Variants in GPC3 observed in about 807,000 individuals in gnomAD.
The protein encoded by GPC3 is glypican-3.
GPC3 carries 3 observed loss-of-function variants against 34.4 expected under a neutral mutation model. The observed-to-expected ratio is 0.09, with a 90% CI of 0.04 to 0.23. GPC3 has a LOEUF of 0.23. GPC3 is among the 10% of genes least tolerant of loss of function. GPC3 has a pLI of 1.00. For synonymous variants in GPC3, 177 were observed against 174.0 expected (o/e 1.02, Z -0.13); for missense variants, 351 against 445.6 (o/e 0.79, Z 1.91).
intron 3 of GPC3, among the ~76,000 whole-genome samples, chrX:133,743,855 G>A (rs1241534494): frequency 9.0e-6 from 1 of 111,459 alleles, no homozygotes; most frequent in South Asian, 3.8e-4. Flanking sequence ...CAGAAATAAC[G>A]CCACACATCT....
intron 6 of GPC3, among the ~76,000 whole-genome samples, chrX:133,637,524 C>T (rs1486406062): frequency 8.9e-6 from 1 of 112,044 alleles, no homozygotes; most frequent in Non-Finnish European, 1.9e-5. Context: ...AAATTAGACT[C>T]TTTTCCAGGA....
At chrX:133,978,749 C>T (rs2076526600) in intron 1 of GPC3, among the ~76,000 whole-genome samples, 2 of 111,880 alleles carry the variant, frequency 1.8e-5, no homozygotes, top group African/African-American at 6.5e-5. Context: ...ATATTGAGTA[C>T]CTATTATTTG....
intron 6 of GPC3, among the ~76,000 whole-genome samples, chrX:133,616,758 C>T (rs769525456): frequency 4.9e-5 from 5 of 102,505 alleles, no homozygotes; most frequent in East Asian, 6.1e-4. Context: ...AGTGCAGTGG[C>T]GCAATCTCGG....
intron 2 of GPC3, among the ~76,000 whole-genome samples, chrX:133,911,557 T>C (rs1277908668): frequency 8.9e-6 from 1 of 112,116 alleles, no homozygotes; most frequent in Non-Finnish European, 1.9e-5. Flanking sequence ...TCTGATTAAA[T>C]AGTAGTGTCA....
chrX:133,771,728 C>T (rs1006094981), intron 2 of GPC3, among the ~76,000 whole-genome samples: 14 of 112,106 alleles, frequency 1.2e-4, no homozygotes, highest in Admixed American at 1.2e-3. Context: ...GCCTCTGGCC[C>T]GGAATGACCA....
At chrX:133,921,041 T>C (rs5977929) in intron 2 of GPC3, among the ~76,000 whole-genome samples, 1,495 of 112,389 alleles carry the variant, frequency 0.013, 26 homozygotes, top group African/African-American at 0.046. Flanking sequence ...ATAATCCAAA[T>C]TTTTGCCTCA....
Position 133,607,320 on chromosome X carries a change from T to C in GPC3, c.1414-10721A>G, listed in dbSNP as rs1367129784. Among the ~76,000 whole-genome samples the C allele has an allele frequency of 3.0e-4, 33 of 111,791 alleles. No individual in the cohort carries two copies. In the Admixed American group the frequency reaches 3.1e-3, roughly 11 times the overall value. ...TCTGGAAAGGGCATAGCTCTGGGAC[T>C]AGCACAATGCCTGACACATAGTGGG... On this transcript the variant is annotated intron_variant, in intron 6 of 7. Transcript: ENST00000370818.
chrX:133,769,179 A>G (rs763933187), intron 2 of GPC3, among the ~76,000 whole-genome samples: 2 of 111,678 alleles, frequency 1.8e-5, no homozygotes, highest in African/African-American at 3.3e-5. Context: ...AGAATCTTAA[A>G]TAGTCAAACT....
chrX:133,703,634 G>C, intron 3 of GPC3, among the ~76,000 whole-genome samples: 1 of 110,718 alleles, frequency 9.0e-6, no homozygotes, highest in Non-Finnish European at 1.9e-5. Context: ...CTAATTTTTT[G>C]TATTTTTAGT....
chrX:133,558,710 G>C (rs996042997), intron 7 of GPC3, among the ~76,000 whole-genome samples: 3 of 109,422 alleles, frequency 2.7e-5, no homozygotes, highest in African/African-American at 1.0e-4. Flanking sequence ...GGCCAAGATG[G>C]TGAAACCCTG....
chrX:133,633,455 C>T (rs775820637), intron 6 of GPC3, among the ~76,000 whole-genome samples: 2 of 112,062 alleles, frequency 1.8e-5, no homozygotes, highest in African/African-American at 3.2e-5. Flanking sequence ...GCAGCCATTC[C>T]CACATGTGAT....
intron 4 of GPC3, among the ~76,000 whole-genome samples, chrX:133,694,382 C>T (rs1404007108): frequency 9.0e-6 from 1 of 110,639 alleles, no homozygotes; most frequent in Non-Finnish European, 1.9e-5. Context: ...TGTCTGAGCA[C>T]CATCAATCTC....
At chrX:133,922,925 G>C (rs1056486838) in intron 2 of GPC3, among the ~76,000 whole-genome samples, 1 of 111,557 alleles carries the variant, frequency 9.0e-6, no homozygotes, top group African/African-American at 3.3e-5. Context: ...ATGTGAGGTA[G>C]AGTCTTCTAT....
chrX:133,860,744 G>T (rs755483621), intron 2 of GPC3, among the ~76,000 whole-genome samples: 2 of 111,525 alleles, frequency 1.8e-5, no homozygotes, highest in African/African-American at 6.5e-5. Context: ...AGGTCCTATG[G>T]AATCAATGGT....
chrX:133,751,665 C>T (rs995618433), intron 3 of GPC3, among the ~76,000 whole-genome samples: 24 of 111,800 alleles, frequency 2.1e-4, no homozygotes, highest in African/African-American at 7.5e-4. Context: ...CCACCCTCCA[C>T]ATTTTGGATA....
In GPC3 at chrX:133,888,641, T is replaced by C. The variant is rs200260271; in HGVS notation, c.337+64409A>G. On this transcript the variant is annotated intron_variant, in intron 2 of 7. Transcript: ENST00000370818. The stretch of plus-strand genomic sequence containing the variant: ...CTAATTGGTGTGAGATGGTATCTCA[T>C]TGTGGTTTTGATTTGCATTTCTCTA... Among the ~76,000 whole-genome samples the C allele has an allele frequency of 1.6e-4, 18 of 112,463 alleles. No homozygotes were observed. The East Asian group carries it at 3.9e-3, about 24-fold the overall frequency.
intron 2 of GPC3, among the ~76,000 whole-genome samples, chrX:133,906,245 A>G (rs917355991): frequency 1.8e-5 from 2 of 112,225 alleles, no homozygotes; most frequent in African/African-American, 6.5e-5. Context: ...CTCTGCCATT[A>G]TTAGGGAAAG....
intron 2 of GPC3, among the ~76,000 whole-genome samples, chrX:133,785,082 A>G (rs2072087937): frequency 8.9e-6 from 1 of 111,956 alleles, no homozygotes; most frequent in African/African-American, 3.2e-5. Flanking sequence ...CAGGATGGGA[A>G]CTTTCTTGGA....
chrX:133,576,760 A>C (rs963684146), intron 7 of GPC3, among the ~76,000 whole-genome samples: 4 of 110,201 alleles, frequency 3.6e-5, no homozygotes, highest in Non-Finnish European at 7.5e-5. Context: ...AGGGCTTCAG[A>C]AGAGAACGAG....
Sources: gnomAD v4.1 joint callset for allele counts (sites outside exome capture counted in the v4.1 genomes callset) on GRCh38, gnomAD v4.1.1 for gene constraint, MANE v1.5 for transcripts, NCBI Gene and HGNC (gene_info 2026-07-23, HGNC 2026-07-21) for gene names.